Variants in MFSD8 observed in about 807,000 individuals in gnomAD.
MFSD8 encodes major facilitator superfamily domain-containing protein 8.
MFSD8 carries 55 observed loss-of-function variants against 66.4 expected under a neutral mutation model. The observed-to-expected ratio is 0.83, with a 90% CI of 0.67 to 1.04. The LOEUF is 1.04. Among genes scored for constraint, MFSD8 ranks in the 50% least tolerant of loss-of-function variants. The pLI is 0.00. For missense variants in MFSD8, 550 were observed against 627.6 expected, an observed-to-expected ratio of 0.88 and a Z score of 1.32; for synonymous variants, 202 against 212.8, an observed-to-expected ratio of 0.95 and a Z score of 0.44.
At chr4:127,925,572 TA>T (rs1737062459) in intron 9 of MFSD8, among the ~76,000 whole-genome samples, 1 of 152,144 alleles carries the variant, frequency 6.6e-6, no homozygotes, top group African/African-American at 2.4e-5. Flanking sequence ...TGGCAATCAT[TA>T]AAAAGTCGGG....
At position 127,919,067 on chromosome 4, in the gene MFSD8, C is replaced by T. The variant is rs1260105646; in HGVS notation, c.*1563G>A. The T allele has an allele frequency of 6.6e-6, 1 of 152,120 alleles. No individual in the cohort carries two copies. The highest frequency in any genetic ancestry group is 1.5e-5 in the Non-Finnish European group (1 of 68,036). The allele number at this position is 152,120 out of a possible 1,614,324, so 9.4% of individuals were successfully genotyped here. ...ATGGAAGCAGTCTTGCTATGGGCGG[C>T]AGAGGAGAGTGAAAACAGTCTTCAA... On this transcript the variant is annotated 3_prime_UTR_variant, in exon 12 of 12. Transcript: ENST00000641686.
intron 3 of MFSD8, among the ~76,000 whole-genome samples, chr4:127,949,196 G>T (rs1741545317): frequency 6.6e-6 from 1 of 152,196 alleles, no homozygotes; most frequent in African/African-American, 2.4e-5. Flanking sequence ...TGTTATAGAT[G>T]AATTATGTAA....
rs2148841126 is a variant in MFSD8, at chr4:127,921,899, A to G, written c.1063T>C (p.Leu355=). ...IVVWVGFFIL[L]PWGNQFPKIQ... ...TTGGGAAATTGATTTCCCCAAGGTA[A>G]CAAGATAAAGAAGCCAACCCATACA... The change falls in exon 10 of 12, where the codon TTA becomes CTA. Residue 355 remains leucine (L), a synonymous_variant. Coordinates refer to ENST00000641686, the MANE Select transcript of MFSD8 (RefSeq NM_001371596.2). 1 of 1,614,184 alleles carries G rather than the reference A, an allele frequency of 6.2e-7. No individual in the cohort carries two copies. The highest frequency in any genetic ancestry group is 2.2e-5 in the East Asian group (1 of 44,882).
chr4:127,939,509 G>A (rs1029264489), intron 6 of MFSD8: 1 of 179,476 alleles, frequency 5.6e-6, no homozygotes, highest in African/African-American at 2.5e-5. Flanking sequence ...GGGAAGCTGA[G>A]GTATGAGAAT....
At chr4:127,964,300 G>C (rs1001478536) in intron 1 of MFSD8, among the ~76,000 whole-genome samples, 1 of 152,232 alleles carries the variant, frequency 6.6e-6, no homozygotes, top group South Asian at 2.1e-4. Context: ...GGCGCTCATC[G>C]GGGAGGCTCG....
intron 2 of MFSD8, 40 bp from the exon 3 acceptor site, chr4:127,949,887 T>C (rs773377372): frequency 6.5e-7 from 1 of 1,548,272 alleles, no homozygotes; most frequent in South Asian, 1.2e-5. Flanking sequence ...CTTATAATAA[T>C]TTAATCATTA....
At chr4:127,931,770 T>C (rs1272976842) in intron 8 of MFSD8, among the ~76,000 whole-genome samples, 3 of 152,200 alleles carry the variant, frequency 2.0e-5, no homozygotes, top group South Asian at 2.1e-4. Flanking sequence ...TTGTACAACA[T>C]TGTGAATGCA....
intron 2 of MFSD8, among the ~76,000 whole-genome samples, chr4:127,955,319 G>A (rs994625971): frequency 1.3e-5 from 2 of 151,996 alleles, no homozygotes; most frequent in South Asian, 4.2e-4. Context: ...GAGGCCGGTG[G>A]ATCACGAGGT....
intron 7 of MFSD8, among the ~76,000 whole-genome samples, chr4:127,935,155 G>A (rs1471051886): frequency 6.6e-6 from 1 of 152,108 alleles, no homozygotes; most frequent in East Asian, 1.9e-4. Flanking sequence ...AAAGAGAACT[G>A]GCCACCTTTG....
intron 9 of MFSD8, 25 bp from the exon 10 acceptor site, chr4:127,921,988 A>AT (rs1736408787): frequency 1.9e-6 from 3 of 1,582,558 alleles, no homozygotes; most frequent in African/African-American, 2.7e-5. Flanking sequence ...AAACTCTGTA[A>AT]TTTTAAAATG....
At chr4:127,956,818 CAAAAAAA>C (rs550327079) in intron 2 of MFSD8, among the ~76,000 whole-genome samples, 2 of 58,068 alleles carry the variant, frequency 3.4e-5, no homozygotes, top group African/African-American at 5.7e-5. Flanking sequence ...AACTCCGTCT[CAAAAAAA>C]AAAAAAAAAA....
rs60807717 is a variant in MFSD8 at position 127,918,412 on chromosome 4, G to A, written c.*2218C>T. The A allele has an allele frequency of 1.7e-3, 261 of 152,192 alleles. No homozygotes were observed. Among genetic ancestry groups the A allele is most frequent in the African/African-American group, 6.0e-3 (249 of 41,536 alleles). The allele number at this position is 152,192 out of a possible 1,614,324, so 9.4% of individuals were successfully genotyped here. A position where few individuals can be genotyped will look rare whatever the true frequency, so the allele number is the denominator to read the frequency against. On this transcript the variant is annotated 3_prime_UTR_variant, in exon 12 of 12. Coordinates refer to ENST00000641686, the MANE Select transcript of MFSD8 (RefSeq NM_001371596.2). ...GCTCTCAATAAAAAGGAAAGTAAGA[G>A]TCATTTGTGTAAGGTTAAGTTTATC...
chr4:127,951,035 A>G (rs1005181692), intron 2 of MFSD8, among the ~76,000 whole-genome samples: 3 of 151,706 alleles, frequency 2.0e-5, no homozygotes, highest in African/African-American at 7.3e-5. Flanking sequence ...ACTCCAGTCT[A>G]GGTGAGAGTG....
intron 8 of MFSD8, among the ~76,000 whole-genome samples, chr4:127,931,408 A>G (rs1738104034): frequency 6.6e-6 from 1 of 152,156 alleles, no homozygotes; most frequent in Non-Finnish European, 1.5e-5. Flanking sequence ...CCTGGGCTGG[A>G]GTGCAGTGGC....
intron 4 of MFSD8, among the ~76,000 whole-genome samples, chr4:127,942,633 TCACGC>T (rs1376641951): frequency 6.8e-6 from 1 of 146,016 alleles, no homozygotes; most frequent in African/African-American, 2.6e-5. Context: ...TGAGCCAAGA[TCACGC>T]CACTGCACTC....
At chr4:127,920,932 A>G (rs981514704) in intron 11 of MFSD8, 96 bp from the exon 12 acceptor site, 2 of 1,168,496 alleles carry the variant, frequency 1.7e-6, no homozygotes. Flanking sequence ...CAAACTTACA[A>G]GAATCATTTC....
At chr4:127,929,347 A>AC in intron 9 of MFSD8, among the ~76,000 whole-genome samples, 1 of 147,872 alleles carries the variant, frequency 6.8e-6, no homozygotes, top group Non-Finnish European at 1.5e-5. Flanking sequence ...AAAAAAAAAA[A>AC]AAGAATCTCA....
At chr4:127,950,005 G>C (rs1473452167) in intron 2 of MFSD8, among the ~76,000 whole-genome samples, 158 bp from the exon 3 acceptor site, 1 of 152,116 alleles carries the variant, frequency 6.6e-6, no homozygotes, top group Non-Finnish European at 1.5e-5. Flanking sequence ...TTAATTATCA[G>C]AAGAAAAATA....
At chr4:127,949,893 C>T in intron 2 of MFSD8, 46 bp from the exon 3 acceptor site, 1 of 1,500,036 alleles carries the variant, frequency 6.7e-7, no homozygotes. Flanking sequence ...ATAATTTAAT[C>T]ATTATTACAG....
Sources: gnomAD v4.1 joint callset for allele counts (sites outside exome capture counted in the v4.1 genomes callset) on GRCh38, gnomAD v4.1.1 for gene constraint, MANE v1.5 for transcripts, NCBI Gene and HGNC (gene_info 2026-07-23, HGNC 2026-07-21) for gene names.